The following BCR variants were observed in gnomAD, a reference collection of about 807,000 sequenced individuals.
The protein encoded by BCR is breakpoint cluster region protein.
A neutral mutation model predicts 138.6 loss-of-function variants in BCR; 58 were observed. The ratio of observed to expected loss-of-function variants is 0.42; its 90% confidence interval spans 0.34 to 0.52. The LOEUF is 0.52. Among genes scored for constraint, BCR ranks in the 20% least tolerant of loss-of-function variants. The probability of loss-of-function intolerance (pLI) is 0.06; values close to 1 mark genes in which losing one functional copy is unlikely to be tolerated. For synonymous variants in BCR, 786 were observed against 730.1 expected, an observed-to-expected ratio of 1.08 and a Z score of -1.23; for missense variants, 1,599 against 1,727.2, an observed-to-expected ratio of 0.93 and a Z score of 1.32.
At chr22:23,263,906 G>A (rs1568962021) in intron 4 of BCR, 2 of 953,442 alleles carry the variant, frequency 2.1e-6, no homozygotes, top group Non-Finnish European at 3.5e-6. Flanking sequence ...TTGTGACAGG[G>A]ACGGCTTGTT....
chr22:23,301,260 C>T (rs1024582650), intron 16 of BCR, among the ~76,000 whole-genome samples: 4 of 152,352 alleles, frequency 2.6e-5, no homozygotes, highest in East Asian at 3.9e-4. Context: ...GAGCCAGGGT[C>T]GTGCCACTGC....
intron 1 of BCR, among the ~76,000 whole-genome samples, chr22:23,184,332 C>T (rs1396104836): frequency 6.6e-6 from 1 of 152,010 alleles, no homozygotes; most frequent in Non-Finnish European, 1.5e-5. Context: ...CTCAAGCATT[C>T]CTCTAGCTTC....
intron 1 of BCR, among the ~76,000 whole-genome samples, chr22:23,229,379 T>A (rs2072928339): frequency 6.6e-6 from 1 of 152,184 alleles, no homozygotes; most frequent in Non-Finnish European, 1.5e-5. Flanking sequence ...CCTTTCACAG[T>A]TTATGTTGCT....
At chr22:23,298,104 G>GGC (rs2073865594) in intron 16 of BCR, among the ~76,000 whole-genome samples, 1 of 152,156 alleles carries the variant, frequency 6.6e-6, no homozygotes, top group Non-Finnish European at 1.5e-5. Context: ...CCTAGAAATG[G>GGC]GCTCAATGCT....
intron 1 of BCR, among the ~76,000 whole-genome samples, chr22:23,188,363 T>G (rs1467025511): frequency 6.6e-6 from 1 of 152,220 alleles, no homozygotes; most frequent in Non-Finnish European, 1.5e-5. Context: ...GCATGCCTTA[T>G]CCATGACTCC....
intron 16 of BCR, among the ~76,000 whole-genome samples, chr22:23,302,085 G>A (rs529245461): frequency 5.3e-5 from 8 of 151,434 alleles, no homozygotes; most frequent in East Asian, 3.9e-4. Flanking sequence ...CCCCCCCACC[G>A]CCACCCCCAC....
intron 1 of BCR, among the ~76,000 whole-genome samples, chr22:23,212,065 A>G (rs762375502): frequency 5.9e-5 from 9 of 152,148 alleles, no homozygotes; most frequent in Non-Finnish European, 1.2e-4. Flanking sequence ...GGTGGATGGG[A>G]AACTGCACTC....
At chr22:23,285,233 G>T in intron 10 of BCR, 32 bp downstream of exon 10, 2 of 1,592,486 alleles carry the variant, frequency 1.3e-6, no homozygotes, top group Middle Eastern at 2.2e-4. Flanking sequence ...GCCGGGTTTG[G>T]TGTGGTCAGA....
At position 23,182,070 on chromosome 22, in the gene BCR, C is replaced by G. The variant is rs762318426; in HGVS notation, c.1110C>G (p.Pro370=). The change falls in exon 1 of 23, where the codon CCC becomes CCG. Residue 370 remains proline (P), a synonymous_variant. Transcript: ENST00000305877. ...TGTTCCGGGACAAAAGCCGCTCTCC[C>G]TCGCAGAACTCGCAACAGTCCTTCG... The part of the protein sequence containing the change: ...YRMFRDKSRS[P]SQNSQQSFDS... The G allele has an allele frequency of 1.2e-6, 2 of 1,613,326 alleles. No individual in the cohort carries two copies. Among genetic ancestry groups the G allele is most frequent in the Non-Finnish European group, 1.7e-6 (2 of 1,180,040 alleles).
intron 1 of BCR, among the ~76,000 whole-genome samples, chr22:23,188,113 G>A (rs757009977): frequency 2.6e-5 from 4 of 152,176 alleles, no homozygotes; most frequent in South Asian, 2.1e-4. Context: ...CCAGAGCCTC[G>A]TGGCCACCTC....
intron 16 of BCR, 35 bp downstream of exon 16, chr22:23,295,190 G>T: frequency 1.9e-6 from 3 of 1,608,484 alleles, no homozygotes; most frequent in Non-Finnish European, 2.5e-6. Context: ...CCTGCCCGAT[G>T]CATGGCGTCC....
intron 1 of BCR, among the ~76,000 whole-genome samples, chr22:23,200,994 G>A (rs8139366): frequency 0.074 from 11,253 of 152,254 alleles, 1,404 homozygotes; most frequent in African/African-American, 0.25. Flanking sequence ...GCTGGTGGAC[G>A]GGTCTAGGCC....
At chr22:23,258,291 C>T (rs2073318728) in intron 2 of BCR, among the ~76,000 whole-genome samples, 1 of 152,146 alleles carries the variant, frequency 6.6e-6, no homozygotes, top group South Asian at 2.1e-4. Context: ...TCCCAGTGGG[C>T]AAGTGAGGAT....
chr22:23,282,330 G>A (rs1450670819), intron 8 of BCR, among the ~76,000 whole-genome samples: 2 of 152,250 alleles, frequency 1.3e-5, no homozygotes, highest in South Asian at 2.1e-4. Context: ...CTCGGCAGGC[G>A]GGGTGTGGGT....
chr22:23,266,937 C>T (rs1230523859), intron 4 of BCR, among the ~76,000 whole-genome samples: 2 of 152,096 alleles, frequency 1.3e-5, no homozygotes, highest in Non-Finnish European at 2.9e-5. Context: ...CTTCCCAAGA[C>T]CCCTGAGACC....
At chr22:23,214,106 A>G (rs953828594) in intron 1 of BCR, among the ~76,000 whole-genome samples, 4 of 151,822 alleles carry the variant, frequency 2.6e-5, no homozygotes, top group African/African-American at 9.7e-5. Flanking sequence ...GCTTAATAAC[A>G]TTTGTTATTC....
intron 16 of BCR, among the ~76,000 whole-genome samples, chr22:23,296,555 G>A (rs897013790): frequency 5.3e-5 from 8 of 152,140 alleles, no homozygotes; most frequent in South Asian, 4.2e-4. Flanking sequence ...CCACATCTTC[G>A]GAGGTGCAGC....
intron 1 of BCR, among the ~76,000 whole-genome samples, chr22:23,207,995 G>A (rs1473614580): frequency 2.0e-5 from 3 of 152,208 alleles, no homozygotes; most frequent in Non-Finnish European, 2.9e-5. Flanking sequence ...GGCTGAGGCA[G>A]GTGTGCCCAT....
At chr22:23,220,202 G>A (rs2072807473) in intron 1 of BCR, among the ~76,000 whole-genome samples, 1 of 152,226 alleles carries the variant, frequency 6.6e-6, no homozygotes, top group Non-Finnish European at 1.5e-5. Context: ...GGGACCAACA[G>A]GATCTACCTC....
Sources: allele counts gnomAD v4.1 joint callset (sites outside exome capture counted in the v4.1 genomes callset), GRCh38; gene constraint gnomAD v4.1.1; transcripts MANE v1.5; gene names NCBI Gene and HGNC (gene_info 2026-07-23, HGNC 2026-07-21).